Variants in TTC28 observed in about 807,000 individuals in gnomAD.
The protein encoded by TTC28 is tetratricopeptide repeat protein 28.
A neutral mutation model predicts 198.0 loss-of-function variants in TTC28; 61 were observed. The ratio of observed to expected loss-of-function variants is 0.31; its 90% CI spans 0.25 to 0.38. The LOEUF (loss-of-function observed/expected upper bound fraction) is 0.38, where lower values mean the gene tolerates loss of function less well. Ranked by LOEUF, TTC28 falls within the 10% of genes least tolerant of loss-of-function variation. The pLI is 1.00. For missense variants in TTC28, 2,678 were observed against 3,164.0 expected, an observed-to-expected ratio of 0.85 and a Z score of 3.69; for synonymous variants, 1,171 against 1,297.8, an observed-to-expected ratio of 0.90 and a Z score of 2.10.
At chr22:28,262,414 G>A (rs1043707792) in intron 5 of TTC28, among the ~76,000 whole-genome samples, 3 of 152,098 alleles carry the variant, frequency 2.0e-5, no homozygotes, top group Admixed American at 2.0e-4. Flanking sequence ...TTTTCCATAT[G>A]GCGGTATGGC....
chr22:28,305,041 T>C (rs1240315641), intron 3 of TTC28, among the ~76,000 whole-genome samples: 2 of 152,024 alleles, frequency 1.3e-5, no homozygotes, highest in Non-Finnish European at 2.9e-5. Context: ...CAGGCTGGAG[T>C]GCAGTGGTGC....
At chr22:28,635,751 C>T (rs981195822) in intron 1 of TTC28, among the ~76,000 whole-genome samples, 6 of 152,058 alleles carry the variant, frequency 3.9e-5, no homozygotes, top group African/African-American at 1.4e-4. Flanking sequence ...TGTGAAATGA[C>T]TACCACAATC....
intron 2 of TTC28, among the ~76,000 whole-genome samples, chr22:28,617,700 A>G (rs1310615367): frequency 1.3e-5 from 2 of 152,104 alleles, no homozygotes; most frequent in African/African-American, 4.8e-5. Context: ...ACTTTAATAG[A>G]GCTATACAAT....
At chr22:28,559,028 T>C (rs985764889) in intron 2 of TTC28, among the ~76,000 whole-genome samples, 1 of 149,806 alleles carries the variant, frequency 6.7e-6, no homozygotes, top group Non-Finnish European at 1.5e-5. Flanking sequence ...AAAGCAAGAC[T>C]CCATCTCAAA....
Position 28,207,224 on chromosome 22 carries a change from GA to G in TTC28, c.934-43626del, listed in dbSNP as rs71194756. ...TGATTTCAAGGGGGCTAAGCAGATG[GA>G]AAAAAAAAAAAAAGCACAAAAAAAA... On this transcript the variant is annotated intron_variant, in intron 5 of 22. Coordinates refer to ENST00000397906, the MANE Select transcript of TTC28 (RefSeq NM_001145418.2). Among the ~76,000 whole-genome samples, 212 of 125,552 alleles carry G rather than the reference GA, an allele frequency of 1.7e-3. 1 individual carries two copies. Among genetic ancestry groups the G allele is most frequent in the Middle Eastern group, 0.012 (3 of 246 alleles). 82.4% of individuals were successfully genotyped at this position (125,552 alleles called of 152,430 possible). A position where few individuals can be genotyped will look rare whatever the true frequency, so the allele number is the denominator to read the frequency against.
chr22:28,002,640 C>T (rs1009200357), intron 14 of TTC28: 8 of 152,006 alleles, frequency 5.3e-5, no homozygotes, highest in African/African-American at 1.9e-4. Flanking sequence ...AAATTTCTAG[C>T]TCCATCTAGC....
intron 2 of TTC28, among the ~76,000 whole-genome samples, chr22:28,601,094 T>C (rs2050632706): frequency 6.6e-6 from 1 of 152,208 alleles, no homozygotes; most frequent in South Asian, 2.1e-4. Flanking sequence ...CAAATATCAC[T>C]AGAGCTTACC....
At chr22:28,194,867 G>C (rs1266780234) in intron 5 of TTC28, among the ~76,000 whole-genome samples, 1 of 85,946 alleles carries the variant, frequency 1.2e-5, no homozygotes, top group Non-Finnish European at 2.3e-5. Context: ...ACAAAGAGGA[G>C]TTGGTACCAT....
intron 2 of TTC28, among the ~76,000 whole-genome samples, chr22:28,567,735 A>C (rs1382861002): frequency 6.6e-6 from 1 of 151,858 alleles, no homozygotes; most frequent in Non-Finnish European, 1.5e-5. Flanking sequence ...CACCAAAACA[A>C]GGGAATAAAT....
chr22:28,095,003 C>T (rs1000831014), intron 11 of TTC28, among the ~76,000 whole-genome samples: 2 of 152,126 alleles, frequency 1.3e-5, no homozygotes, highest in African/African-American at 4.8e-5. Context: ...ATACATGGCT[C>T]ATTATTACAG....
Position 27,990,075 on chromosome 22 carries a change from C to G in TTC28, c.5578-68G>C, listed in dbSNP as rs1160669752. On this transcript the variant is annotated intron_variant, in intron 20 of 22. Coordinates refer to ENST00000397906, the MANE Select transcript of TTC28 (RefSeq NM_001145418.2). ...CCTCCAGCCCACCTCAAGACTCGACCCATTATTCTTATGTCACCTGTCACT... is the reference window on the plus strand; with the variant it reads ...CCTCCAGCCCACCTCAAGACTCGACGCATTATTCTTATGTCACCTGTCACT... 5 of 1,507,816 alleles carry G rather than the reference C, an allele frequency of 3.3e-6. No individual in the cohort carries two copies. In the Admixed American group the frequency reaches 1.1e-4, roughly 32 times the overall value. The allele number at this position is 1,507,816 out of a possible 1,614,324, so 93.4% of individuals were successfully genotyped here.
intron 5 of TTC28, among the ~76,000 whole-genome samples, chr22:28,294,472 A>T (rs144232701): frequency 7.2e-5 from 11 of 152,130 alleles, no homozygotes; most frequent in Non-Finnish European, 1.5e-4. Context: ...TATGATTCAG[A>T]TATCTTAAAA....
intron 1 of TTC28, among the ~76,000 whole-genome samples, chr22:28,631,772 C>T (rs888469751): frequency 2.6e-5 from 4 of 152,132 alleles, no homozygotes; most frequent in Non-Finnish European, 4.4e-5. Flanking sequence ...GCAATACTCC[C>T]GCCTTGGCTT....
At chr22:28,391,192 A>G (rs559922346) in intron 2 of TTC28, among the ~76,000 whole-genome samples, 2,430 of 152,212 alleles carry the variant, frequency 0.016, 86 homozygotes, top group African/African-American at 0.056. Context: ...TGGCTTGTAG[A>G]GTTTCTGCCG....
chr22:28,540,317 A>G (rs1355592198), intron 2 of TTC28, among the ~76,000 whole-genome samples: 1 of 152,102 alleles, frequency 6.6e-6, no homozygotes, highest in Non-Finnish European at 1.5e-5. Context: ...CAGAAGCAAG[A>G]GAGAGAGAGT....
At chr22:28,605,564 T>C (rs1470534142) in intron 2 of TTC28, among the ~76,000 whole-genome samples, 1 of 152,190 alleles carries the variant, frequency 6.6e-6, no homozygotes, top group South Asian at 2.1e-4. Context: ...TAAAAGGGGA[T>C]GATTTTCCCC....
intron 12 of TTC28, among the ~76,000 whole-genome samples, chr22:28,072,804 C>G (rs1340311223): frequency 6.6e-6 from 1 of 152,202 alleles, no homozygotes; most frequent in African/African-American, 2.4e-5. Flanking sequence ...CCTGTTGGAA[C>G]AGAGGGTTTA....
chr22:28,332,212 A>G (rs1222578174), intron 2 of TTC28, among the ~76,000 whole-genome samples: 3 of 152,090 alleles, frequency 2.0e-5, no homozygotes, highest in Non-Finnish European at 4.4e-5. Flanking sequence ...TTCAGGATAC[A>G]TTAATTTTTT....
intron 12 of TTC28, among the ~76,000 whole-genome samples, chr22:28,092,517 T>C (rs1941845543): frequency 6.6e-6 from 1 of 152,190 alleles, no homozygotes; most frequent in Non-Finnish European, 1.5e-5. Context: ...GTGTTAGAAA[T>C]GAACACTGCC....
Sources: gnomAD v4.1 joint callset for allele counts (sites outside exome capture counted in the v4.1 genomes callset) on GRCh38, gnomAD v4.1.1 for gene constraint, MANE v1.5 for transcripts, NCBI Gene and HGNC (gene_info 2026-07-23, HGNC 2026-07-21) for gene names.